VPS50: variants seen among roughly 807,000 people sequenced by gnomAD.
VPS50 encodes VPS50 subunit of EARP/GARPII complex.
A neutral mutation model predicts 139.7 loss-of-function variants in VPS50; 70 were observed. The ratio of observed to expected loss-of-function variants is 0.50; its 90% CI spans 0.41 to 0.61. The LOEUF (loss-of-function observed/expected upper bound fraction) is 0.61, where lower values mean the gene tolerates loss of function less well. VPS50 is among the 20% of genes least tolerant of loss of function. The pLI is 0.00. For missense variants in VPS50, 921 were observed against 1,133.7 expected (o/e 0.81, Z 2.69); for synonymous variants, 365 against 376.7 (o/e 0.97, Z 0.36).
chr7:93,261,733 T>G (rs1306167139), intron 9 of VPS50, among the ~76,000 whole-genome samples: 1 of 144,272 alleles, frequency 6.9e-6, no homozygotes, highest in Non-Finnish European at 1.5e-5. Flanking sequence ...AAGTTGTGCA[T>G]ACAGTGGAAG....
At chr7:93,325,226 G>A (rs1368026951) in intron 21 of VPS50, among the ~76,000 whole-genome samples, 1 of 152,134 alleles carries the variant, frequency 6.6e-6, no homozygotes, top group Non-Finnish European at 1.5e-5. Flanking sequence ...ATGGTGCTTG[G>A]AAAACTGGCT....
intron 20 of VPS50, among the ~76,000 whole-genome samples, chr7:93,313,456 G>A (rs77208285): frequency 0.016 from 2,389 of 152,176 alleles, 81 homozygotes; most frequent in African/African-American, 0.055. Context: ...TAAAATACAA[G>A]GCTAAGACAA....
intron 4 of VPS50, among the ~76,000 whole-genome samples, 174 bp downstream of exon 4, chr7:93,254,105 G>A (rs562738969): frequency 6.6e-6 from 1 of 152,278 alleles, no homozygotes; most frequent in Admixed American, 6.5e-5. Flanking sequence ...AATGCGTATG[G>A]TTTTCCTTAT....
At chr7:93,344,293 A>T (rs1366877614) in intron 23 of VPS50, among the ~76,000 whole-genome samples, 1 of 152,226 alleles carries the variant, frequency 6.6e-6, no homozygotes, top group African/African-American at 2.4e-5. Flanking sequence ...TCCTAAATAT[A>T]TATGCACCCC....
At chr7:93,298,712 T>A (rs1796885195) in intron 16 of VPS50, among the ~76,000 whole-genome samples, 1 of 152,246 alleles carries the variant, frequency 6.6e-6, no homozygotes, top group African/African-American at 2.4e-5. Context: ...GAGTTCACAT[T>A]AATAAAATTA....
chr7:93,330,588 T>A (rs778478175), intron 21 of VPS50, among the ~76,000 whole-genome samples: 7 of 151,898 alleles, frequency 4.6e-5, no homozygotes, highest in Non-Finnish European at 7.4e-5. Context: ...ACCCAGTCCC[T>A]ACTAAAAATA....
intron 12 of VPS50, chr7:93,276,562 C>G: frequency 2.4e-6 from 1 of 416,754 alleles, no homozygotes. Context: ...CTTCTTTTAC[C>G]CATCTCTCTC....
intron 12 of VPS50, among the ~76,000 whole-genome samples, chr7:93,285,115 A>G (rs1796444584): frequency 6.6e-6 from 1 of 152,186 alleles, no homozygotes; most frequent in Admixed American, 6.5e-5. Flanking sequence ...ATGTGAGCTC[A>G]TAGTACTAAC....
chr7:93,357,311 A>T (rs1454621887), intron 27 of VPS50, among the ~76,000 whole-genome samples: 1 of 152,026 alleles, frequency 6.6e-6, no homozygotes, highest in Non-Finnish European at 1.5e-5. Context: ...TTTTTTTTTA[A>T]CTTAGTACTT....
At chr7:93,285,525 T>A (rs980967197) in intron 12 of VPS50, among the ~76,000 whole-genome samples, 1 of 152,228 alleles carries the variant, frequency 6.6e-6, no homozygotes, top group Non-Finnish European at 1.5e-5. Flanking sequence ...GATGACATTC[T>A]TTTATTGTGT....
rs150051270 is a variant in VPS50, at chr7:93,238,960, G to T, written c.34-906G>T. ...ATAAAAAATTTTAGATATGACTAGT[G>T]GTATTTTACAACAGGGAAGAGAAAA... On this transcript the variant is annotated intron_variant, in intron 1 of 27. Coordinates refer to ENST00000305866, the MANE Select transcript of VPS50 (RefSeq NM_017667.4). 5.4e-3 allele frequency among the ~76,000 whole-genome samples: 828 copies of T among 151,998 alleles called. 10 individuals are homozygous for T. Among genetic ancestry groups the T allele is most frequent in the Non-Finnish European group, 9.4e-3 (637 of 67,954 alleles).
In VPS50 at chr7:93,281,503, T is replaced by G. The variant is rs118091190; in HGVS notation, c.942+5198T>G. On this transcript the variant is annotated intron_variant, in intron 12 of 27. Coordinates refer to ENST00000305866, the MANE Select transcript of VPS50 (RefSeq NM_017667.4). ...CTATGGATAATAAGCTGCAGGAAAT[T>G]AATGCTAAAGTTAATGTTCATGTTT... Among the ~76,000 whole-genome samples the G allele has an allele frequency of 7.9e-4, 121 of 152,306 alleles. No individual in the cohort carries two copies. The East Asian group carries it at 0.021, about 27-fold the overall frequency.
At chr7:93,238,835 G>GGTAA (rs565332436) in intron 1 of VPS50, among the ~76,000 whole-genome samples, 30 of 152,270 alleles carry the variant, frequency 2.0e-4, no homozygotes, top group African/African-American at 7.2e-4. Flanking sequence ...TTCTTGGAGT[G>GGTAA]GTAAGTGTGC....
chr7:93,294,556 A>G lies in VPS50; in HGVS notation c.1087A>G (p.Met363Val), dbSNP rs1220165197. The change falls in exon 14 of 28, where the codon ATG (methionine) becomes GTG (valine). Residue 363 changes from methionine to valine, a missense_variant. Coordinates refer to ENST00000305866, the MANE Select transcript of VPS50 (RefSeq NM_017667.4). ...TCTTTTATTTTCAGAAGGGAGTAATATGATAGGTACTGAAGAAACTAATTT... is the reference window on the plus strand; with the variant it reads ...TCTTTTATTTTCAGAAGGGAGTAATGTGATAGGTACTGAAGAAACTAATTT... ...DTASASEGSN[M>V]IGTEETNFDR... The G allele has an allele frequency of 4.5e-6, 7 of 1,559,094 alleles. No individual in the cohort carries two copies. The highest frequency in any genetic ancestry group is 6.1e-6 in the Non-Finnish European group (7 of 1,156,320).
chr7:93,328,720 C>T (rs1797853521), intron 21 of VPS50, among the ~76,000 whole-genome samples: 1 of 152,000 alleles, frequency 6.6e-6, no homozygotes, highest in African/African-American at 2.4e-5. Context: ...GGAACAAGCA[C>T]AAGAAAACCT....
chr7:93,312,633 A>G (rs1483449710), intron 20 of VPS50, among the ~76,000 whole-genome samples: 1 of 151,214 alleles, frequency 6.6e-6, no homozygotes, highest in African/African-American at 2.4e-5. Flanking sequence ...TTTTTCTTCT[A>G]TTTCTTCTAT....
intron 20 of VPS50, among the ~76,000 whole-genome samples, chr7:93,314,077 T>C (rs1797350917): frequency 6.6e-6 from 1 of 152,176 alleles, no homozygotes; most frequent in Non-Finnish European, 1.5e-5. Context: ...CAGAGGCCTC[T>C]GACTAGCAAA....
intron 11 of VPS50, among the ~76,000 whole-genome samples, chr7:93,273,751 C>G (rs971404055): frequency 6.6e-6 from 1 of 152,022 alleles, no homozygotes; most frequent in Non-Finnish European, 1.5e-5. Context: ...TTACACTTCA[C>G]TTTATTGTGC....
At chr7:93,259,784 TA>T in intron 9 of VPS50, 152 bp downstream of exon 9, 1 of 441,822 alleles carries the variant, frequency 2.3e-6, no homozygotes, top group Non-Finnish European at 4.0e-6. Flanking sequence ...AATAAAATTA[TA>T]AATAATAGGC....
Sources: gnomAD v4.1 joint callset for allele counts (sites outside exome capture counted in the v4.1 genomes callset) on GRCh38, gnomAD v4.1.1 for gene constraint, MANE v1.5 for transcripts, NCBI Gene and HGNC (gene_info 2026-07-23, HGNC 2026-07-21) for gene names.